NEO1: variants seen among roughly 807,000 people sequenced by gnomAD.
NEO1 encodes the protein neogenin.
NEO1 carries 63 observed loss-of-function variants against 159.7 expected under a neutral mutation model. That is an observed-to-expected ratio of 0.39 (90% confidence interval 0.32 to 0.49). NEO1 has a LOEUF of 0.49. NEO1 is among the 20% of genes least tolerant of loss of function. The pLI, the probability that NEO1 is intolerant of heterozygous loss-of-function variation, is 0.85. For missense variants in NEO1, 1,615 were observed against 1,831.0 expected, an observed-to-expected ratio of 0.88 and a Z score of 2.15; for synonymous variants, 633 against 662.0, an observed-to-expected ratio of 0.96 and a Z score of 0.67.
At chr15:73,259,783 C>G (rs2040535932) in intron 14 of NEO1, among the ~76,000 whole-genome samples, 1 of 152,140 alleles carries the variant, frequency 6.6e-6, no homozygotes. Context: ...TGGCTCCAAA[C>G]TTTCATGTTT....
intron 7 of NEO1, among the ~76,000 whole-genome samples, chr15:73,198,430 A>T (rs1376453192): frequency 6.6e-6 from 1 of 152,056 alleles, no homozygotes. Flanking sequence ...ATTTGCCCTT[A>T]TATACAGTTT....
At chr15:73,231,723 G>A (rs953420756) in intron 7 of NEO1, among the ~76,000 whole-genome samples, 5 of 152,162 alleles carry the variant, frequency 3.3e-5, no homozygotes, top group Non-Finnish European at 5.9e-5. Context: ...CCCTGAATAT[G>A]CAGGCATCCA....
Position 73,302,029 on chromosome 15 carries a change from TTCCCCCACA to T in NEO1, c.4302+576_4303-572del, listed in dbSNP as rs2042637751. ...TCACACTAGCCCAGCTAATGGCCCC[TTCCCCCACA>T]TCCTGCCTGCCTTTTAGTTCTGTCC... On this transcript the variant is annotated intron_variant, in intron 28 of 28. Transcript: ENST00000261908. Among the ~76,000 whole-genome samples, 8 of 152,346 alleles carry T rather than the reference TTCCCCCACA, an allele frequency of 5.3e-5. No homozygotes were observed. The South Asian group carries it at 1.7e-3, about 32-fold the overall frequency.
At chr15:73,250,185 T>C (rs1430075509) in intron 11 of NEO1, among the ~76,000 whole-genome samples, 3 of 152,050 alleles carry the variant, frequency 2.0e-5, no homozygotes, top group Non-Finnish European at 4.4e-5. Context: ...TATATATATA[T>C]ACACCCATAT....
At chr15:73,100,491 T>A (rs1046834013) in intron 1 of NEO1, among the ~76,000 whole-genome samples, 2 of 152,066 alleles carry the variant, frequency 1.3e-5, no homozygotes, top group African/African-American at 4.8e-5. Flanking sequence ...TGTGCCACCA[T>A]GCCCAGCTGA....
chr15:73,201,997 G>A (rs1161670012), intron 7 of NEO1, among the ~76,000 whole-genome samples: 1 of 51,114 alleles, frequency 2.0e-5, no homozygotes, highest in Admixed American at 3.1e-4. Context: ...TTTTGCTCTT[G>A]TTGCTGCGCA....
chr15:73,149,973 G>T lies in NEO1; in HGVS notation c.1015+13946G>T, dbSNP rs570584115. Among the ~76,000 whole-genome samples, 5 of 152,182 alleles carry T rather than the reference G, an allele frequency of 3.3e-5. No homozygotes were observed. In the South Asian group the frequency reaches 1.0e-3, roughly 32 times the overall value. ...AACTTATTTCTTCTATCAACTGTAG[G>T]TTTGTACCCATTTACCAACCTTCTT... On this transcript the variant is annotated intron_variant, in intron 5 of 28. Transcript: ENST00000261908.
chr15:73,241,141 G>A (rs1427387470), intron 8 of NEO1, among the ~76,000 whole-genome samples: 1 of 152,020 alleles, frequency 6.6e-6, no homozygotes, highest in Non-Finnish European at 1.5e-5. Context: ...GATTTCAGAG[G>A]GTCCTTCCTC....
chr15:73,190,997 CAT>C (rs1218211314), intron 7 of NEO1, among the ~76,000 whole-genome samples: 4 of 152,058 alleles, frequency 2.6e-5, no homozygotes, highest in Admixed American at 2.0e-4. Context: ...GTTTTACAAA[CAT>C]ATGCATTTAA....
rs2040492787 is a variant in NEO1, at chr15:73,258,985, C to T, written c.2203+109C>T. 4.7e-6 allele frequency: 4 copies of T among 845,074 alleles called. No individual in the cohort carries two copies. The Admixed American group carries it at 6.3e-5, about 13-fold the overall frequency. 52.3% of individuals were successfully genotyped at this position (845,074 alleles called of 1,614,324 possible). A position where few individuals can be genotyped will look rare whatever the true frequency, so the allele number is the denominator to read the frequency against. On this transcript the variant is annotated intron_variant, in intron 14 of 28. Transcript: ENST00000261908. ...GGTGGATATGGCTCAAGTCTGTGAA[C>T]TTTAGTGCATCACGCTGCTGTTGTT... is the stretch of plus-strand genomic sequence containing the variant.
At chr15:73,261,415 G>A (rs1262288434) in intron 15 of NEO1, among the ~76,000 whole-genome samples, 2 of 151,564 alleles carry the variant, frequency 1.3e-5, no homozygotes, top group Non-Finnish European at 2.9e-5. Context: ...TTGTAACTGG[G>A]GTAGAAAATC....
At chr15:73,163,202 AC>A (rs1359135809) in intron 5 of NEO1, among the ~76,000 whole-genome samples, 9 of 152,176 alleles carry the variant, frequency 5.9e-5, no homozygotes, top group African/African-American at 1.7e-4. Context: ...ACAACAAAAA[AC>A]ATGTTAATCA....
At chr15:73,117,875 C>T (rs1178354095) in intron 2 of NEO1, among the ~76,000 whole-genome samples, 1 of 151,996 alleles carries the variant, frequency 6.6e-6, no homozygotes, top group East Asian at 1.9e-4. Context: ...TTCTCTCCCT[C>T]CTTCCCTTCT....
chr15:73,298,234 T>C, intron 26 of NEO1, 114 bp from the exon 27 acceptor site: 1 of 1,285,960 alleles, frequency 7.8e-7, no homozygotes, highest in Non-Finnish European at 1.1e-6. Flanking sequence ...GGACTAGCAC[T>C]GATCGCAAGT....
chr15:73,197,632 T>C (rs1443290883), intron 7 of NEO1, among the ~76,000 whole-genome samples: 1 of 152,068 alleles, frequency 6.6e-6, no homozygotes. Flanking sequence ...TAGTTAATTC[T>C]TGTTGCTTTC....
intron 12 of NEO1, 71 bp downstream of exon 12, chr15:73,253,520 G>T: frequency 9.6e-7 from 1 of 1,044,030 alleles, no homozygotes. Context: ...TTATAGAAAG[G>T]GAGATTCTGT....
At chr15:73,178,454 A>C (rs2035405440) in intron 7 of NEO1, 27 bp downstream of exon 7, 1 of 1,611,692 alleles carries the variant, frequency 6.2e-7, no homozygotes, top group Non-Finnish European at 8.5e-7. Flanking sequence ...TAGTCAGATG[A>C]TAGAGGCTGT....
At chr15:73,281,223 A>G (rs2041689816) in intron 22 of NEO1, among the ~76,000 whole-genome samples, 1 of 136,702 alleles carries the variant, frequency 7.3e-6, no homozygotes, top group African/African-American at 2.7e-5. Flanking sequence ...AAACACATAA[A>G]TTTATAAGCC....
chr15:73,280,589 T>C (rs982897840), intron 22 of NEO1, among the ~76,000 whole-genome samples: 1 of 152,182 alleles, frequency 6.6e-6, no homozygotes, highest in Non-Finnish European at 1.5e-5. Flanking sequence ...AATAACAGTG[T>C]TATGGAAAGC....
Sources: allele counts gnomAD v4.1 joint callset (sites outside exome capture counted in the v4.1 genomes callset), GRCh38; gene constraint gnomAD v4.1.1; transcripts MANE v1.5; gene names NCBI Gene and HGNC (gene_info 2026-07-23, HGNC 2026-07-21).